Variants in PROSER1 observed in about 807,000 individuals in gnomAD.
PROSER1 encodes proline and serine-rich protein 1.
In PROSER1, 36 loss-of-function variants were observed where a neutral mutation model predicts 71.8. The ratio of observed to expected loss-of-function variants is 0.50; its 90% CI spans 0.38 to 0.66. The LOEUF is 0.66. Ranked by LOEUF, PROSER1 falls within the 30% of genes least tolerant of loss-of-function variation. The pLI is 0.00. For synonymous variants in PROSER1, 490 were observed against 452.4 expected (o/e 1.08, Z -1.06); for missense variants, 1,107 against 1,135.0 (o/e 0.98, Z 0.35).
In PROSER1 at chr13:39,037,199, T is replaced by C; in HGVS notation, c.44A>G (p.Lys15Arg). The C allele has an allele frequency of 6.2e-7, 1 of 1,602,374 alleles. No homozygotes were observed. The highest frequency in any genetic ancestry group is 8.6e-7 in the Non-Finnish European group (1 of 1,169,312). ...SFEMVLDEIR[K>R]AVLTEYKLKA... The stretch of plus-strand genomic sequence containing the variant: ...AATTCATGGAATCGGTCTAATTACC[T>C]TTCTAATTTCATCCAGCACCATTTC... Residue 15 changes from lysine to arginine, a missense_variant and splice_region_variant, in exon 1 of 13, where the codon AAG becomes AGG. Coordinates refer to ENST00000352251, the MANE Select transcript of PROSER1 (RefSeq NM_025138.5).
chr13:39,037,105 C>G (rs1403181241), intron 1 of PROSER1, 93 bp downstream of exon 1: 1 of 971,026 alleles, frequency 1.0e-6, no homozygotes, highest in African/African-American at 1.6e-5. Context: ...TCCTAGGACC[C>G]TTATTCTGCA....
rs769541832 is a variant in PROSER1, at chr13:39,011,360, A to G, written c.*5T>C. On this transcript the variant is annotated 3_prime_UTR_variant, in exon 13 of 13. Coordinates refer to ENST00000352251, the MANE Select transcript of PROSER1 (RefSeq NM_025138.5). The stretch of plus-strand genomic sequence containing the variant: ...GCTCTGAAGGAGAATAAAAGTTAAA[A>G]GTATTCACTGCCACCCACTCTGGGA... 20 of 1,613,824 alleles carry G rather than the reference A, an allele frequency of 1.2e-5. No homozygotes were observed. Among genetic ancestry groups the G allele is most frequent in the Middle Eastern group, 1.7e-4 (1 of 6,058 alleles).
chr13:39,030,483 G>C (rs968136563), intron 3 of PROSER1, among the ~76,000 whole-genome samples: 7 of 152,162 alleles, frequency 4.6e-5, no homozygotes, highest in African/African-American at 1.4e-4. Context: ...GCTCTGTCAT[G>C]AGTTTGTTGT....
At chr13:39,034,066 G>T in intron 2 of PROSER1, 65 bp downstream of exon 2, 1 of 1,166,620 alleles carries the variant, frequency 8.6e-7, no homozygotes, top group South Asian at 1.7e-5. Flanking sequence ...TCGGCCAGCA[G>T]ACAGACATTA....
chr13:39,034,536 TTCCAAA>T (rs1459827078), intron 1 of PROSER1, among the ~76,000 whole-genome samples: 1 of 152,250 alleles, frequency 6.6e-6, no homozygotes, highest in East Asian at 1.9e-4. Flanking sequence ...TTTCAAAACA[TTCCAAA>T]TCCAAATTGT....
At chr13:39,031,177 C>A (rs115089096) in intron 3 of PROSER1, among the ~76,000 whole-genome samples, 230 of 152,246 alleles carry the variant, frequency 1.5e-3, no homozygotes, top group African/African-American at 5.5e-3. Context: ...GTGGCTACCA[C>A]AATGGACAGT....
chr13:39,029,277 T>G lies in PROSER1; in HGVS notation c.275+4A>C. 1 of 1,311,560 alleles carries G rather than the reference T, an allele frequency of 7.6e-7. No homozygotes were observed. Among genetic ancestry groups the G allele is most frequent in the Non-Finnish European group, 1.0e-6 (1 of 965,112 alleles). 81.2% of individuals were successfully genotyped at this position (1,311,560 alleles called of 1,614,324 possible). On this transcript the variant is annotated splice_donor_region_variant and intron_variant, in intron 4 of 12. Transcript: ENST00000352251. ...AAAAAAAAAAAAAAAAAAGAAATAC[T>G]TACGAGGCTAACAGTTCAAGAGCAA...
At chr13:39,016,975 G>A (rs1011045361) in intron 10 of PROSER1, among the ~76,000 whole-genome samples, 3 of 152,186 alleles carry the variant, frequency 2.0e-5, no homozygotes, top group South Asian at 2.1e-4. Context: ...AAAATACAAC[G>A]TCGCAGCACT....
rs777151956 is a variant in PROSER1, at chr13:39,013,729, G to A, written c.1523C>T (p.Ser508Phe). 5 of 1,614,188 alleles carry A rather than the reference G, an allele frequency of 3.1e-6. No individual in the cohort carries two copies. The highest frequency in any genetic ancestry group is 4.2e-6 in the Non-Finnish European group (5 of 1,180,026). ...GTTAGGGGCTGAAGCAGAAGAGTCA[G>A]AGTTCTGAAGAGTAAGAGAAGATAG... is the stretch of plus-strand genomic sequence containing the variant. ...ASLSSLTLQN[S>F]DSSASAPNKC... The change falls in exon 11 of 13, where the codon TCT becomes TTT. Residue 508 changes from serine to phenylalanine, a missense_variant. Transcript: ENST00000352251.
intron 11 of PROSER1, 197 bp from the exon 12 acceptor site, chr13:39,012,430 CA>C (rs1301322178): frequency 1.5e-6 from 1 of 675,420 alleles, no homozygotes; most frequent in African/African-American, 1.8e-5. Flanking sequence ...ATTCGAAATT[CA>C]GTAAGTCTGT....
chr13:39,029,055 CA>C, intron 4 of PROSER1: 1 of 327,930 alleles, frequency 3.0e-6, no homozygotes, highest in Non-Finnish European at 5.5e-6. Flanking sequence ...AACTGAAATA[CA>C]AAAAATCAAA....
In PROSER1 at chr13:39,034,198, T is replaced by TAA. The variant is rs746321138; in HGVS notation, c.46-4_46-3dup. 4.7e-4 allele frequency: 589 copies of TAA among 1,262,304 alleles called. No individual in the cohort carries two copies. The highest frequency in any genetic ancestry group is 9.1e-4 in the Admixed American group (38 of 41,726). 78.2% of individuals were successfully genotyped at this position (1,262,304 alleles called of 1,614,324 possible). The stretch of plus-strand genomic sequence containing the variant: ...TAATTTGTATTCTGTCAAAACAGCC[T>TAA]AAAAAAAAAAAACACACACACACAG... On this transcript the variant is annotated splice_region_variant and splice_polypyrimidine_tract_variant and intron_variant, in intron 1 of 12. Transcript: ENST00000352251.
chr13:39,032,744 C>T (rs1870907584), intron 2 of PROSER1, among the ~76,000 whole-genome samples: 1 of 151,968 alleles, frequency 6.6e-6, no homozygotes, highest in Admixed American at 6.6e-5. Context: ...TTACAAGCCA[C>T]CATATCTAAG....
chr13:39,012,042 T>C (rs374775908), intron 12 of PROSER1, 41 bp downstream of exon 12: 2 of 1,594,330 alleles, frequency 1.3e-6, no homozygotes, highest in South Asian at 1.1e-5. Flanking sequence ...AAGTTAGTTA[T>C]ACATGTTACC....
Position 39,012,709 on chromosome 13 carries a change from G to C in PROSER1, c.2543C>G (p.Ala848Gly). ...CACATACCCGGCTTGTGCAACAAGA[G>C]CGGAGTTGAAATTGGAACTGAATGC... ...ASAFSSNFNS[A>G]LVAQAGLSSG... is the part of the protein sequence containing the mutation. Residue 848 changes from alanine to glycine, a missense_variant, in exon 11 of 13, where the codon GCT (alanine) becomes GGT (glycine). By Grantham distance (60) the Ala-to-Gly change is moderately conservative. Coordinates refer to ENST00000352251, the MANE Select transcript of PROSER1 (RefSeq NM_025138.5). 6.3e-7 allele frequency: 1 copy of C among 1,588,956 alleles called. No individual in the cohort carries two copies. Among genetic ancestry groups the C allele is most frequent in the Non-Finnish European group, 8.6e-7 (1 of 1,167,958 alleles).
chr13:39,013,398 G>A lies in PROSER1; in HGVS notation c.1854C>T (p.Ala618=). 1 of 1,614,190 alleles carries A rather than the reference G, an allele frequency of 6.2e-7. No homozygotes were observed. Among genetic ancestry groups the A allele is most frequent in the Non-Finnish European group, 8.5e-7 (1 of 1,180,040 alleles). Residue 618 remains alanine, a synonymous_variant, in exon 11 of 13, where the codon GCC becomes GCT. Coordinates refer to ENST00000352251, the MANE Select transcript of PROSER1 (RefSeq NM_025138.5). ...KTEPTSPTPS[A]FKGPSHSGNP... ...TCCCAGAATGAGATGGACCTTTGAA[G>A]GCCGAGGGAGTAGGACTTGTGGGCT...
At position 39,010,779 on chromosome 13, in the gene PROSER1, A is replaced by T. The variant is rs17226809; in HGVS notation, c.*586T>A. 4,869 of 152,842 alleles carry T rather than the reference A, an allele frequency of 0.032. 110 individuals carry two copies. The highest frequency in any genetic ancestry group is 0.1 in the South Asian group (487 of 4,826). The allele number at this position is 152,842 out of a possible 1,614,324, so 9.5% of individuals were successfully genotyped here. A position where few individuals can be genotyped will look rare whatever the true frequency, so the allele number is the denominator to read the frequency against. The stretch of plus-strand genomic sequence containing the variant: ...AGTCATTCTATAGTCTACATTAAGC[A>T]CCACTTTCACTTACCTGAAATATTT... On this transcript the variant is annotated 3_prime_UTR_variant, in exon 13 of 13. Transcript: ENST00000352251.
intron 1 of PROSER1, among the ~76,000 whole-genome samples, chr13:39,036,651 A>G (rs1452582927): frequency 6.6e-6 from 1 of 152,212 alleles, no homozygotes; most frequent in Non-Finnish European, 1.5e-5. Context: ...AAGCAGGAGA[A>G]AAAAGTTTTG....
At position 39,011,096 on chromosome 13, in the gene PROSER1, A is replaced by G. The variant is rs185332590; in HGVS notation, c.*269T>C. Reference sequence around the variant, plus strand: ...TATTCTTTCTATGTAGATCACATACACAATTCAAAATTTTATAGGACAGGT... The same window carrying G: ...TATTCTTTCTATGTAGATCACATACGCAATTCAAAATTTTATAGGACAGGT... On this transcript the variant is annotated 3_prime_UTR_variant, in exon 13 of 13. Transcript: ENST00000352251. The G allele has an allele frequency of 1.1e-4, 41 of 368,426 alleles. No homozygotes were observed. The highest frequency in any genetic ancestry group is 3.0e-5 in the Non-Finnish European group (6 of 199,688). 22.8% of individuals were successfully genotyped at this position (368,426 alleles called of 1,614,324 possible). A position where few individuals can be genotyped will look rare whatever the true frequency, so the allele number is the denominator to read the frequency against.
Sources: allele counts gnomAD v4.1 joint callset (sites outside exome capture counted in the v4.1 genomes callset), GRCh38; gene constraint gnomAD v4.1.1; transcripts MANE v1.5; gene names NCBI Gene and HGNC (gene_info 2026-07-23, HGNC 2026-07-21).